ATOSA: variants seen among roughly 807,000 people sequenced by gnomAD.
The protein encoded by ATOSA is atos homolog A.
the ATOSA span, chr15:52,586,946 T>C: frequency 1.0e-6 from 1 of 980,678 alleles, no homozygotes; most frequent in Non-Finnish European, 1.4e-6. Context: ...TCTTAAGTAT[T>C]CACCTTGATT....
At chr15:52,686,820 G>A in the ATOSA span, among the ~76,000 whole-genome samples, 1 of 152,180 alleles carries the variant, frequency 6.6e-6, no homozygotes, top group African/African-American at 2.4e-5. Flanking sequence ...ATGGTTAAAG[G>A]CATGCTCTAC....
the ATOSA span, among the ~76,000 whole-genome samples, chr15:52,681,480 T>C: frequency 6.6e-6 from 1 of 152,220 alleles, no homozygotes; most frequent in African/African-American, 2.4e-5. Context: ...ACAATAGTTA[T>C]CGCTTTCTTT....
chr15:52,584,090 G>GA, the ATOSA span, among the ~76,000 whole-genome samples: 2,117 of 41,896 alleles, frequency 0.051, 50 homozygotes, highest in African/African-American at 0.1. Context: ...GTCTCAAGAA[G>GA]AAAAAAAAAA....
the ATOSA span, among the ~76,000 whole-genome samples, chr15:52,664,670 T>C: frequency 1.3e-5 from 2 of 152,300 alleles, no homozygotes; most frequent in South Asian, 2.1e-4. Flanking sequence ...AGTGTGCGCA[T>C]GGTGGCTTAC....
the ATOSA span, chr15:52,609,722 TA>T: frequency 3.1e-6 from 5 of 1,613,718 alleles, no homozygotes; most frequent in Non-Finnish European, 4.2e-6. Flanking sequence ...GACTCTTGAG[TA>T]TTAAATGGAC....
chr15:52,611,660 T>C, the ATOSA span: 1 of 1,614,024 alleles, frequency 6.2e-7, no homozygotes, highest in Non-Finnish European at 8.5e-7. Context: ...ATTCCCTCTG[T>C]GGTGGGCCCA....
the ATOSA span, among the ~76,000 whole-genome samples, chr15:52,637,554 A>T: frequency 6.6e-6 from 1 of 152,170 alleles, no homozygotes; most frequent in Non-Finnish European, 1.5e-5. Flanking sequence ...CCTCACTGCC[A>T]ATACTACTAA....
the ATOSA span, among the ~76,000 whole-genome samples, chr15:52,590,076 C>T: frequency 1.3e-5 from 2 of 152,084 alleles, no homozygotes; most frequent in Non-Finnish European, 2.9e-5. Context: ...GTGTGAGCCA[C>T]CATGCCCGGC....
chr15:52,678,457 CAG>C, the ATOSA span: 2 of 176,262 alleles, frequency 1.1e-5, no homozygotes, highest in South Asian at 1.4e-4. Context: ...CCTCTGGAAA[CAG>C]AGGCACCTCC....
chr15:52,695,477 C>A, the ATOSA span, among the ~76,000 whole-genome samples: 69 of 152,324 alleles, frequency 4.5e-4, 1 homozygote, highest in Admixed American at 1.3e-3. Context: ...TTCTCTCCCG[C>A]CTTTTCTTCC....
chr15:52,624,280 T>C, the ATOSA span, among the ~76,000 whole-genome samples: 2 of 152,326 alleles, frequency 1.3e-5, no homozygotes, highest in Admixed American at 6.5e-5. Flanking sequence ...CCTCCTCTCC[T>C]TTCCACCAAC....
At chr15:52,685,413 A>G in the ATOSA span, among the ~76,000 whole-genome samples, 10 of 26,618 alleles carry the variant, frequency 3.8e-4, no homozygotes, top group African/African-American at 7.6e-4. Context: ...TAGATTCAGT[A>G]GAGTTTTTTT....
At chr15:52,635,155 G>C in the ATOSA span, among the ~76,000 whole-genome samples, 1 of 152,136 alleles carries the variant, frequency 6.6e-6, no homozygotes, top group Admixed American at 6.5e-5. Context: ...ACGAAGCAAA[G>C]ACCAATGGAA....
At chr15:52,581,949 A>G in the ATOSA span, 3 of 442,852 alleles carry the variant, frequency 6.8e-6, no homozygotes, top group East Asian at 1.1e-4. Flanking sequence ...AGTGGTTTCA[A>G]CAGTACAAAA....
the ATOSA span, chr15:52,593,801 TAAAG>T: frequency 7.0e-7 from 1 of 1,419,242 alleles, no homozygotes; most frequent in Non-Finnish European, 9.5e-7. Context: ...TTTTTCTATT[TAAAG>T]AAATATACAC....
chr15:52,662,630 C>G, the ATOSA span, among the ~76,000 whole-genome samples: 1 of 150,674 alleles, frequency 6.6e-6, no homozygotes, highest in Non-Finnish European at 1.5e-5. Context: ...ATTAGCAGGG[C>G]ACGGTGGCGG....
chr15:52,677,889 A>G, the ATOSA span: 4 of 1,372,516 alleles, frequency 2.9e-6, no homozygotes, highest in Non-Finnish European at 4.2e-6. Context: ...AAAAACAGAT[A>G]ATCACATATG....
chr15:52,628,196 A>C, the ATOSA span, among the ~76,000 whole-genome samples: 1 of 152,194 alleles, frequency 6.6e-6, no homozygotes, highest in African/African-American at 2.4e-5. Flanking sequence ...CACACTCTTA[A>C]GACGATTATG....
chr15:52,599,099 C>T, the ATOSA span, among the ~76,000 whole-genome samples: 1 of 152,244 alleles, frequency 6.6e-6, no homozygotes, highest in African/African-American at 2.4e-5. Context: ...TATCCAGCCT[C>T]TGGCCTTTCT....
Sources: allele counts gnomAD v4.1 joint callset (sites outside exome capture counted in the v4.1 genomes callset), GRCh38; gene constraint gnomAD v4.1.1; transcripts MANE v1.5; gene names NCBI Gene and HGNC (gene_info 2026-07-23, HGNC 2026-07-21).